The following TMIGD3 variants were observed in gnomAD, a reference collection of about 807,000 sequenced individuals.
TMIGD3 encodes the protein transmembrane and immunoglobulin domain containing 3.
Under a neutral mutation model 28.1 loss-of-function variants are expected in TMIGD3, and 21 were observed. The ratio of observed to expected loss-of-function variants is 0.75; its 90% CI spans 0.53 to 1.08. The LOEUF (loss-of-function observed/expected upper bound fraction) is 1.08. Ranked by LOEUF, TMIGD3 falls within the 50% of genes least tolerant of loss-of-function variation. The pLI, the probability that TMIGD3 is intolerant of heterozygous loss-of-function variation, is 0.00. For missense variants in TMIGD3, 416 were observed against 435.6 expected, an observed-to-expected ratio of 0.96 and a Z score of 0.40; for synonymous variants, 151 against 162.1, an observed-to-expected ratio of 0.93 and a Z score of 0.52.
rs562110930 is a variant in TMIGD3 at position 111,531,524 on chromosome 1, C to T, written c.107+32322G>A. ...CTTGAACACATAAAATACATAACTA[C>T]TACTAAACGTTGTCTACTAATTCTA... On this transcript the variant is annotated intron_variant, in intron 1 of 5. Transcript: ENST00000369717. Among the ~76,000 whole-genome samples the T allele has an allele frequency of 6.1e-4, 93 of 152,228 alleles. 4 individuals carry two copies. The South Asian group carries it at 0.019, about 31-fold the overall frequency.
chr1:111,501,533 G>C (rs1418537699), intron 1 of TMIGD3, among the ~76,000 whole-genome samples: 1 of 152,144 alleles, frequency 6.6e-6, no homozygotes, highest in Non-Finnish European at 1.5e-5. Flanking sequence ...TGTGTGACAG[G>C]TATGTTTCTA....
At chr1:111,489,859 C>G (rs1229021467) in intron 2 of TMIGD3, 1 of 635,884 alleles carries the variant, frequency 1.6e-6, no homozygotes, top group Non-Finnish European at 1.9e-6. Flanking sequence ...GGATATTGCA[C>G]AATGAGGAAG....
intron 1 of TMIGD3, among the ~76,000 whole-genome samples, chr1:111,513,137 G>C (rs57863266): frequency 1.3e-5 from 2 of 152,178 alleles, no homozygotes; most frequent in African/African-American, 2.4e-5. Flanking sequence ...AGTTGCTGCA[G>C]GTGAAGCCCT....
At position 111,527,917 on chromosome 1, in the gene TMIGD3, T is replaced by C. The variant is rs560823727; in HGVS notation, c.107+35929A>G. On this transcript the variant is annotated intron_variant, in intron 1 of 5. Coordinates refer to the TMIGD3 transcript ENST00000369717. ...GGATAACAGTCTCCTGTATCAGATA[T>C]GTCTTTTGCAAAAATTATCTTTCAG... 4.2e-4 allele frequency among the ~76,000 whole-genome samples: 64 copies of C among 152,348 alleles called. No homozygotes were observed. In the South Asian group the frequency reaches 0.012, roughly 29 times the overall value.
At chr1:111,554,856 G>T (rs1657416028) in intron 1 of TMIGD3, among the ~76,000 whole-genome samples, 1 of 152,036 alleles carries the variant, frequency 6.6e-6, no homozygotes, top group Non-Finnish European at 1.5e-5. Flanking sequence ...AAGTTCCAAA[G>T]AATGTTAGCT....
chr1:111,561,641 C>G (rs867743962), intron 1 of TMIGD3, among the ~76,000 whole-genome samples: 1 of 152,308 alleles, frequency 6.6e-6, no homozygotes, highest in Middle Eastern at 3.4e-3. Context: ...TAGGCCATTA[C>G]TCTTCTCTCC....
chr1:111,516,326 A>G (rs1045778489), intron 1 of TMIGD3, among the ~76,000 whole-genome samples: 3 of 152,190 alleles, frequency 2.0e-5, no homozygotes, highest in African/African-American at 7.2e-5. Context: ...AGAAAAGCCA[A>G]GTTCTGATGG....
At chr1:111,508,156 G>T (rs114183515), upstream of TMIGD3, among the ~76,000 whole-genome samples, 1,938 of 152,328 alleles carry the variant, frequency 0.013, 33 homozygotes, top group African/African-American at 0.044. Flanking sequence ...CCCACGAAGG[G>T]GAGCTGCTCT....
upstream of TMIGD3, chr1:111,503,744 G>A (rs192648930): frequency 5.8e-5 from 59 of 1,025,420 alleles, 1 homozygote; most frequent in Admixed American, 2.8e-3. Flanking sequence ...CTCTTCAGGG[G>A]TGTTTCAGGA....
At chr1:111,500,087 T>C in intron 1 of TMIGD3, 1 of 1,614,172 alleles carries the variant, frequency 6.2e-7, no homozygotes, top group Non-Finnish European at 8.5e-7. Context: ...ATCATGGAGT[T>C]GGCATGGGAC....
chr1:111,485,651 C>T (rs1654327974), intron 5 of TMIGD3, 89 bp downstream of exon 5: 1 of 1,022,530 alleles, frequency 9.8e-7, no homozygotes, highest in Admixed American at 2.2e-5. Context: ...TATGAAGAGG[C>T]TCTCATTCAC....
At chr1:111,523,964 A>AT (rs1656166523) in intron 1 of TMIGD3, among the ~76,000 whole-genome samples, 2 of 118,116 alleles carry the variant, frequency 1.7e-5, no homozygotes, top group South Asian at 5.2e-4. Context: ...TGTTATCTTT[A>AT]TTTTTTCTCT....
intron 1 of TMIGD3, among the ~76,000 whole-genome samples, chr1:111,532,869 G>A (rs1263615082): frequency 6.6e-6 from 1 of 152,140 alleles, no homozygotes; most frequent in East Asian, 1.9e-4. Flanking sequence ...TAGCGGACCT[G>A]GTAAAAGAGC....
chr1:111,563,736 T>G, intron 1 of TMIGD3: 1 of 757,586 alleles, frequency 1.3e-6, no homozygotes. Flanking sequence ...GACAAAGCAT[T>G]GATTAAGTAG....
chr1:111,524,621 AC>A (rs1406211612), intron 1 of TMIGD3, among the ~76,000 whole-genome samples: 1 of 151,112 alleles, frequency 6.6e-6, no homozygotes, highest in East Asian at 2.0e-4. Flanking sequence ...TATGCCCCCT[AC>A]CCCCATTTTT....
intron 1 of TMIGD3, among the ~76,000 whole-genome samples, chr1:111,530,036 C>T (rs1656407780): frequency 6.7e-6 from 1 of 149,960 alleles, no homozygotes; most frequent in African/African-American, 2.5e-5. Context: ...GGGCGGCTGG[C>T]CGGGCAGAGG....
rs148883954 is a variant in TMIGD3, at chr1:111,486,605, G to C, written c.853C>G (p.Arg285Gly). 1.4e-5 allele frequency: 22 copies of C among 1,613,560 alleles called. No homozygotes were observed. The African/African-American group carries it at 2.8e-4, about 21-fold the overall frequency. The change falls in exon 4 of 6, where the codon CGC becomes GGC. Residue 285 changes from arginine to glycine, a missense_variant. Coordinates refer to ENST00000369716, the MANE Select transcript of TMIGD3 (RefSeq NM_020683.7). ...ACTCACCTGGAGCGGTCAGCCTTGC[G>C]GACAACTTTGGGAGCCTTGCAGCTT... is the stretch of plus-strand genomic sequence containing the variant. Reference protein sequence around the residue: ...TRSCKAPKVVRKADRSRTSIL... With the variant: ...TRSCKAPKVVGKADRSRTSIL...
intron 1 of TMIGD3, among the ~76,000 whole-genome samples, chr1:111,524,018 T>C (rs1458173486): frequency 2.9e-5 from 4 of 140,344 alleles, no homozygotes; most frequent in Non-Finnish European, 6.1e-5. Context: ...TTTCTTTCTT[T>C]CTTTCTTTTC....
At chr1:111,563,255 A>G (rs1459930426) in intron 1 of TMIGD3, among the ~76,000 whole-genome samples, 1 of 152,096 alleles carries the variant, frequency 6.6e-6, no homozygotes, top group Non-Finnish European at 1.5e-5. Flanking sequence ...CAGCCAGGGC[A>G]AAACAGTGAG....
Sources: allele counts gnomAD v4.1 joint callset (sites outside exome capture counted in the v4.1 genomes callset), GRCh38; gene constraint gnomAD v4.1.1; transcripts MANE v1.5; gene names NCBI Gene and HGNC (gene_info 2026-07-23, HGNC 2026-07-21).